Variants in MYO1E observed in about 807,000 individuals in gnomAD.
MYO1E encodes the protein unconventional myosin-Ie.
Under a neutral mutation model 151.1 loss-of-function variants are expected in MYO1E, and 68 were observed. The observed-to-expected ratio is 0.45, with a 90% confidence interval of 0.37 to 0.55. The LOEUF (loss-of-function observed/expected upper bound fraction) is 0.55, where lower values mean the gene tolerates loss of function less well. Among genes scored for constraint, MYO1E ranks in the 20% least tolerant of loss-of-function variants. The pLI is 0.00. For synonymous variants in MYO1E, 601 were observed against 501.7 expected (o/e 1.20, Z -2.64); for missense variants, 1,363 against 1,389.3 (o/e 0.98, Z 0.30).
At chr15:59,155,253 C>T (rs928872781) in intron 25 of MYO1E, among the ~76,000 whole-genome samples, 8 of 152,216 alleles carry the variant, frequency 5.3e-5, no homozygotes, top group African/African-American at 1.2e-4. Context: ...CATTTAGAAA[C>T]GTTCATGGCA....
At chr15:59,139,051 T>G (rs1184877228) in intron 26 of MYO1E, among the ~76,000 whole-genome samples, 2 of 152,082 alleles carry the variant, frequency 1.3e-5, no homozygotes, top group African/African-American at 4.8e-5. Flanking sequence ...GGATGGTCAC[T>G]TGGGATGGTT....
intron 10 of MYO1E, among the ~76,000 whole-genome samples, chr15:59,216,409 G>A (rs1436089282): frequency 6.6e-6 from 1 of 151,582 alleles, no homozygotes; most frequent in African/African-American, 2.4e-5. Flanking sequence ...CAGTATCTGG[G>A]CACTAACATA....
chr15:59,278,145 T>A (rs1212991311), intron 1 of MYO1E, among the ~76,000 whole-genome samples: 1 of 152,130 alleles, frequency 6.6e-6, no homozygotes, highest in Non-Finnish European at 1.5e-5. Context: ...GTTTGAAAGG[T>A]GATTGGAAGA....
chr15:59,311,186 A>T (rs140086269), intron 1 of MYO1E, among the ~76,000 whole-genome samples: 19 of 151,980 alleles, frequency 1.3e-4, no homozygotes, highest in Non-Finnish European at 2.5e-4. Context: ...GCAGTCTCCA[A>T]CGTTTTTGAC....
chr15:59,168,095 A>AT (rs1295959657), intron 22 of MYO1E, among the ~76,000 whole-genome samples: 7 of 152,058 alleles, frequency 4.6e-5, no homozygotes, highest in African/African-American at 1.7e-4. Context: ...TTGGGATCCT[A>AT]TTTTTTCTTG....
chr15:59,176,087 C>G (rs1157369283), intron 19 of MYO1E, among the ~76,000 whole-genome samples: 1 of 152,154 alleles, frequency 6.6e-6, no homozygotes, highest in Non-Finnish European at 1.5e-5. Context: ...GAGGCAGAGT[C>G]TTGCTCTGTC....
At chr15:59,288,035 T>C (rs1261667872) in intron 1 of MYO1E, among the ~76,000 whole-genome samples, 1 of 152,232 alleles carries the variant, frequency 6.6e-6, no homozygotes. Flanking sequence ...TTGAACTGCG[T>C]GGTGCACAGA....
chr15:59,178,650 C>G, intron 18 of MYO1E, 113 bp from the exon 19 acceptor site: 1 of 1,362,548 alleles, frequency 7.3e-7, no homozygotes, highest in South Asian at 1.4e-5. Context: ...TGCAAAGTTA[C>G]TGATCATCTG....
chr15:59,370,523 C>T (rs998433323), intron 1 of MYO1E, among the ~76,000 whole-genome samples: 9 of 152,200 alleles, frequency 5.9e-5, no homozygotes, highest in African/African-American at 2.2e-4. Context: ...CACAGATAGT[C>T]GCCTGGGGGC....
chr15:59,158,560 T>C (rs1212203033), intron 24 of MYO1E, among the ~76,000 whole-genome samples, 181 bp from the exon 25 acceptor site: 1 of 151,818 alleles, frequency 6.6e-6, no homozygotes, highest in East Asian at 1.9e-4. Flanking sequence ...AGCTATTGGG[T>C]GGGAGGGGCT....
chr15:59,315,947 A>C (rs992544842), intron 1 of MYO1E, among the ~76,000 whole-genome samples: 4 of 152,198 alleles, frequency 2.6e-5, no homozygotes, highest in African/African-American at 9.6e-5. Flanking sequence ...TTACTCAGAC[A>C]CGTTTTTGTA....
intron 26 of MYO1E, among the ~76,000 whole-genome samples, chr15:59,141,015 G>T (rs76979658): frequency 0.075 from 11,442 of 152,278 alleles, 1,031 homozygotes; most frequent in African/African-American, 0.21. Flanking sequence ...TTGCTTCTCT[G>T]AAAGTTGGCC....
chr15:59,224,956 C>T (rs753204520), intron 7 of MYO1E, 133 bp from the exon 8 acceptor site: 87 of 1,199,090 alleles, frequency 7.3e-5, no homozygotes, highest in Non-Finnish European at 1.0e-4. Context: ...TCCTGGCCCC[C>T]AAATATGTAC....
chr15:59,208,765 G>C lies in MYO1E; in HGVS notation c.1446C>G (p.Leu482=), dbSNP rs1054859006. The change falls in exon 14 of 28, where the codon CTC becomes CTG. Residue 482 remains leucine (L), a synonymous_variant. Coordinates refer to ENST00000288235, the MANE Select transcript of MYO1E (RefSeq NM_004998.4). ...AVGEGADQTL[L]QKLQMQIGSH... The stretch of plus-strand genomic sequence containing the variant: ...TCCCAATCTGCATCTGAAGTTTCTG[G>C]AGCAGCGTCTGATCTGCCCCCTCAC... 17 of 1,614,046 alleles carry C rather than the reference G, an allele frequency of 1.1e-5. No homozygotes were observed. In the Admixed American group the frequency reaches 2.2e-4, roughly 21 times the overall value.
chr15:59,173,057 C>T (rs2079604902), intron 21 of MYO1E, among the ~76,000 whole-genome samples: 1 of 152,202 alleles, frequency 6.6e-6, no homozygotes, highest in Admixed American at 6.5e-5. Flanking sequence ...CTATTAGGAC[C>T]AAGACTTTAT....
At chr15:59,241,467 G>A (rs2080099288) in intron 4 of MYO1E, among the ~76,000 whole-genome samples, 2 of 152,238 alleles carry the variant, frequency 1.3e-5, no homozygotes, top group African/African-American at 4.8e-5. Context: ...CAAGGCGGGT[G>A]GATCACCTTA....
In MYO1E at chr15:59,208,771, C is replaced by G; in HGVS notation, c.1440G>C (p.Thr480=). The change falls in exon 14 of 28, where the codon ACG becomes ACC. Residue 480 remains threonine, a synonymous_variant. Transcript: ENST00000288235. The stretch of plus-strand genomic sequence containing the variant: ...TCTGCATCTGAAGTTTCTGGAGCAG[C>G]GTCTGATCTGCCCCCTCACCCACCG... ...MHAVGEGADQ[T]LLQKLQMQIG... is the part of the protein sequence containing the mutation. 1 of 1,614,184 alleles carries G rather than the reference C, an allele frequency of 6.2e-7. No individual in the cohort carries two copies. The highest frequency in any genetic ancestry group is 8.5e-7 in the Non-Finnish European group (1 of 1,180,028).
intron 9 of MYO1E, among the ~76,000 whole-genome samples, chr15:59,219,012 G>A (rs975684461): frequency 5.3e-5 from 8 of 152,172 alleles, no homozygotes; most frequent in Non-Finnish European, 1.0e-4. Flanking sequence ...AGGCAAAAGG[G>A]GGCCTGATGG....
chr15:59,170,493 T>C (rs2079586397), intron 22 of MYO1E, among the ~76,000 whole-genome samples: 2 of 151,802 alleles, frequency 1.3e-5, no homozygotes, highest in East Asian at 1.9e-4. Flanking sequence ...AGGAAGAGTG[T>C]GGCCAGCAGG....
Sources: gnomAD v4.1 joint callset for allele counts (sites outside exome capture counted in the v4.1 genomes callset) on GRCh38, gnomAD v4.1.1 for gene constraint, MANE v1.5 for transcripts, NCBI Gene and HGNC (gene_info 2026-07-23, HGNC 2026-07-21) for gene names.